CDCP2: variants seen among roughly 807,000 people sequenced by gnomAD.
CDCP2 encodes the protein CUB domain-containing protein 2.
A neutral mutation model predicts 31.0 loss-of-function variants in CDCP2; 31 were observed. The observed-to-expected ratio is 1.00, with a 90% CI of 0.75 to 1.35. The LOEUF is 1.35. Ranked by LOEUF, CDCP2 falls within the 40% of genes most tolerant of loss-of-function variation. The pLI, the probability that CDCP2 is intolerant of heterozygous loss-of-function variation, is 0.00. For synonymous variants in CDCP2, 206 were observed against 207.9 expected (o/e 0.99, Z 0.08); for missense variants, 443 against 482.6 (o/e 0.92, Z 0.77).
chr1:54,141,489 C>T, intron 2 of CDCP2, 56 bp from the exon 3 acceptor site: 1 of 1,459,562 alleles, frequency 6.9e-7, no homozygotes, highest in Non-Finnish European at 9.3e-7. Context: ...TCCCAGTTTC[C>T]TCCCTTGGGA....
chr1:54,139,568 C>G (rs369369861), intron 4 of CDCP2, 185 bp downstream of exon 4: 75 of 1,613,560 alleles, frequency 4.6e-5, no homozygotes, highest in Non-Finnish European at 6.4e-5. Flanking sequence ...AAGCGGGAGC[C>G]GTACCGTCCA....
chr1:54,148,634 G>GACAT (rs1659516714), intron 1 of CDCP2, among the ~76,000 whole-genome samples: 2 of 151,716 alleles, frequency 1.3e-5, no homozygotes, highest in African/African-American at 4.9e-5. Flanking sequence ...ATTCCATGAG[G>GACAT]ACATATTTGG....
intron 5 of CDCP2, among the ~76,000 whole-genome samples, chr1:54,135,695 C>A (rs1557704874): frequency 6.6e-6 from 1 of 152,116 alleles, no homozygotes; most frequent in Non-Finnish European, 1.5e-5. Flanking sequence ...GGGCAGAATA[C>A]CTCGGCAGCC....
rs116749796 is a variant in CDCP2 at position 54,151,982 on chromosome 1, G to A, written c.79+862C>T. On this transcript the variant is annotated intron_variant, in intron 1 of 5. Coordinates refer to ENST00000530059, the Ensembl canonical transcript of CDCP2. ...AGCAGGGCTTAAGATCCCTGAGGGT[G>A]AAGCAGAAGGGGTTGTGATTCCCCT... 5.4e-3 allele frequency among the ~76,000 whole-genome samples: 822 copies of A among 152,294 alleles called. 9 individuals carry two copies. Among genetic ancestry groups the A allele is most frequent in the Non-Finnish European group, 8.5e-3 (580 of 68,022 alleles).
chr1:54,144,828 A>G lies in CDCP2; in HGVS notation c.80-15T>C, dbSNP rs756546151. The G allele has an allele frequency of 1.2e-5, 19 of 1,593,622 alleles. No individual in the cohort carries two copies. Among genetic ancestry groups the G allele is most frequent in the Non-Finnish European group, 1.4e-5 (16 of 1,167,656 alleles). Reference sequence around the variant, plus strand: ...ACATTTGACACCTGGGGCAAGAGAGAAGTATGGCTGAGACTCCGTGCTGGG... The same window carrying G: ...ACATTTGACACCTGGGGCAAGAGAGGAGTATGGCTGAGACTCCGTGCTGGG... On this transcript the variant is annotated splice_polypyrimidine_tract_variant and intron_variant, in intron 1 of 5. Coordinates refer to ENST00000530059, the Ensembl canonical transcript of CDCP2.
intron 5 of CDCP2, among the ~76,000 whole-genome samples, chr1:54,136,221 G>A (rs995399130): frequency 6.6e-6 from 1 of 152,198 alleles, no homozygotes; most frequent in African/African-American, 2.4e-5. Context: ...AAGGGGTGAG[G>A]TCTTCAGGGT....
At chr1:54,152,798 C>G (rs1659606105) in intron 1 of CDCP2, 46 bp downstream of exon 1, 1 of 1,558,822 alleles carries the variant, frequency 6.4e-7, no homozygotes, top group Non-Finnish European at 8.8e-7. Context: ...TGTTGCCTGC[C>G]CACCTCCTTC....
At chr1:54,142,832 C>T (rs1160984448) in intron 2 of CDCP2, 1 of 152,184 alleles carries the variant, frequency 6.6e-6, no homozygotes, top group African/African-American at 2.4e-5. Flanking sequence ...CCCAGCAGCC[C>T]CCTGGAGCAC....
chr1:54,144,820 C>G lies in CDCP2; in HGVS notation c.80-7G>C. 6.2e-7 allele frequency: 1 copy of G among 1,601,058 alleles called. No individual in the cohort carries two copies. Among genetic ancestry groups the G allele is most frequent in the South Asian group, 1.1e-5 (1 of 89,248 alleles). On this transcript the variant is annotated splice_region_variant and splice_polypyrimidine_tract_variant and intron_variant, in intron 1 of 5. Coordinates refer to ENST00000530059, the Ensembl canonical transcript of CDCP2. ...ACACCCCCACATTTGACACCTGGGGCAAGAGAGAAGTATGGCTGAGACTCC... is the reference window on the plus strand; with the variant it reads ...ACACCCCCACATTTGACACCTGGGGGAAGAGAGAAGTATGGCTGAGACTCC...
chr1:54,144,350 C>T, intron 2 of CDCP2, 116 bp downstream of exon 2: 1 of 959,332 alleles, frequency 1.0e-6, no homozygotes, highest in Non-Finnish European at 1.5e-6. Context: ...AGCTCCTCCA[C>T]TGCCAAATCC....
intron 5 of CDCP2, 140 bp from the exon 6 acceptor site, chr1:54,133,434 C>A: frequency 2.5e-6 from 1 of 397,634 alleles, no homozygotes; most frequent in Non-Finnish European, 4.4e-6. Flanking sequence ...CTCAGTGATC[C>A]CATCTGTAAA....
chr1:54,140,328 C>T, intron 3 of CDCP2: 2 of 586,678 alleles, frequency 3.4e-6, no homozygotes, highest in Non-Finnish European at 3.1e-6. Context: ...AAAGCTGGGA[C>T]TTGCATTCCA....
intron 1 of CDCP2, among the ~76,000 whole-genome samples, chr1:54,149,085 G>T (rs1253254868): frequency 2.0e-5 from 3 of 149,994 alleles, no homozygotes; most frequent in Admixed American, 6.7e-5. Context: ...AAGGAATGAA[G>T]CCAGGAGTGA....
chr1:54,151,023 C>A (rs1659575030), intron 1 of CDCP2, among the ~76,000 whole-genome samples: 2 of 152,086 alleles, frequency 1.3e-5, no homozygotes, highest in African/African-American at 4.8e-5. Context: ...GCTCTGGGGT[C>A]CGGGGAGAGG....
At chr1:54,133,194 C>T (rs1322003889) in exon 6 of CDCP2, 10 of 399,000 alleles carry the variant, frequency 2.5e-5, no homozygotes, top group African/African-American at 6.2e-5. Context: ...CTCCTTGCGC[C>T]GTGGCTCACA....
intron 1 of CDCP2, among the ~76,000 whole-genome samples, chr1:54,150,791 A>G (rs1012038166): frequency 2.0e-5 from 3 of 152,122 alleles, no homozygotes; most frequent in African/African-American, 7.2e-5. Flanking sequence ...GCTTAAACTC[A>G]TCCAGGTTGA....
rs538459110 is a variant in CDCP2, at chr1:54,149,312, T to C, written c.79+3532A>G. 2.6e-5 allele frequency among the ~76,000 whole-genome samples: 4 copies of C among 152,030 alleles called. No individual in the cohort carries two copies. The East Asian group carries it at 7.7e-4, about 29-fold the overall frequency. ...ATATACAGTTTTATGTGTTTCTCTG[T>C]TAGAGACACATTCTGACATATTTAT... is the stretch of plus-strand genomic sequence containing the variant. On this transcript the variant is annotated intron_variant, in intron 1 of 5. Transcript: ENST00000530059.
Position 54,146,737 on chromosome 1 carries a change from T to C in CDCP2, c.80-1924A>G, listed in dbSNP as rs994514939. ...ATACAGGAAATACACAAAATATACTTGGTTATCTTGCCATGCCAAACAGCA... is the reference window on the plus strand; with the variant it reads ...ATACAGGAAATACACAAAATATACTCGGTTATCTTGCCATGCCAAACAGCA... On this transcript the variant is annotated intron_variant, in intron 1 of 5. Coordinates refer to ENST00000530059, the Ensembl canonical transcript of CDCP2. Among the ~76,000 whole-genome samples the C allele has an allele frequency of 3.3e-5, 5 of 151,758 alleles. 1 individual carries two copies. The highest frequency in any genetic ancestry group is 1.2e-4 in the African/African-American group (5 of 41,088).
At chr1:54,144,398 T>A in intron 2 of CDCP2, 68 bp downstream of exon 2, 5 of 1,383,800 alleles carry the variant, frequency 3.6e-6, no homozygotes, top group Non-Finnish European at 3.9e-6. Context: ...CCTCCCACTT[T>A]GGCTTGCCAA....
Sources: gnomAD v4.1 joint callset for allele counts (sites outside exome capture counted in the v4.1 genomes callset) on GRCh38, gnomAD v4.1.1 for gene constraint, MANE v1.5 for transcripts, NCBI Gene and HGNC (gene_info 2026-07-23, HGNC 2026-07-21) for gene names.